ARHGAP10: variants seen among roughly 807,000 people sequenced by gnomAD.
The protein encoded by ARHGAP10 is rho GTPase-activating protein 10.
ARHGAP10 carries 87 observed loss-of-function variants against 108.6 expected under a neutral mutation model. The observed-to-expected ratio is 0.80, with a 90% CI of 0.67 to 0.96. The LOEUF (loss-of-function observed/expected upper bound fraction) is 0.96, where lower values mean the gene tolerates loss of function less well. Ranked by LOEUF, ARHGAP10 falls within the 40% of genes least tolerant of loss-of-function variation. The pLI is 0.00. For synonymous variants in ARHGAP10, 347 were observed against 341.1 expected, an observed-to-expected ratio of 1.02 and a Z score of -0.19; for missense variants, 939 against 954.5, an observed-to-expected ratio of 0.98 and a Z score of 0.21.
chr4:147,982,750 T>C (rs1304439223), intron 18 of ARHGAP10, among the ~76,000 whole-genome samples: 1 of 151,936 alleles, frequency 6.6e-6, no homozygotes, highest in African/African-American at 2.4e-5. Context: ...TTGGGGAAAT[T>C]TTCCTGAATT....
intron 20 of ARHGAP10, among the ~76,000 whole-genome samples, chr4:148,053,446 G>A (rs191632207): frequency 8.5e-5 from 13 of 152,256 alleles, no homozygotes; most frequent in African/African-American, 1.2e-4. Flanking sequence ...TGGTTGCTGC[G>A]CATTTATCAT....
At chr4:147,919,602 C>T (rs902788309) in intron 13 of ARHGAP10, among the ~76,000 whole-genome samples, 2 of 151,674 alleles carry the variant, frequency 1.3e-5, no homozygotes, top group African/African-American at 2.4e-5. Context: ...AGATGCAGTC[C>T]CTCTCTGTTG....
At chr4:147,873,412 T>C (rs1226206148) in intron 7 of ARHGAP10, among the ~76,000 whole-genome samples, 1 of 151,808 alleles carries the variant, frequency 6.6e-6, no homozygotes, top group Non-Finnish European at 1.5e-5. Flanking sequence ...CATGCACATA[T>C]ATGCATATGT....
intron 1 of ARHGAP10, among the ~76,000 whole-genome samples, chr4:147,787,185 A>T (rs967899062): frequency 1.3e-5 from 2 of 152,080 alleles, no homozygotes; most frequent in Non-Finnish European, 2.9e-5. Flanking sequence ...AGAAGCAAGG[A>T]GGGTATTTTC....
intron 18 of ARHGAP10, among the ~76,000 whole-genome samples, chr4:147,976,474 C>T (rs1281191591): frequency 6.6e-6 from 1 of 151,824 alleles, no homozygotes; most frequent in Non-Finnish European, 1.5e-5. Flanking sequence ...GACTCCCCCC[C>T]ATCCCCAGTT....
rs574330007 is a variant in ARHGAP10 at position 147,769,113 on chromosome 4, T to C, written c.154+36658T>C. On this transcript the variant is annotated intron_variant, in intron 1 of 22. Coordinates refer to ENST00000336498, the MANE Select transcript of ARHGAP10 (RefSeq NM_024605.4). ...TTATGCAGCATGATTTCATTATTGC[T>C]CTCAGGAACTGGATAATGCTTTAAG... 2.0e-5 allele frequency among the ~76,000 whole-genome samples: 3 copies of C among 152,268 alleles called. No homozygotes were observed. The South Asian group carries it at 6.2e-4, about 32-fold the overall frequency.
At chr4:147,886,587 C>T (rs56742479) in intron 10 of ARHGAP10, among the ~76,000 whole-genome samples, 8,055 of 152,240 alleles carry the variant, frequency 0.053, 706 homozygotes, top group African/African-American at 0.18. Flanking sequence ...ATACCCTTCA[C>T]TCCACTGCTT....
intron 1 of ARHGAP10, among the ~76,000 whole-genome samples, chr4:147,807,780 A>G (rs1030565700): frequency 1.3e-5 from 2 of 152,222 alleles, no homozygotes; most frequent in African/African-American, 4.8e-5. Context: ...AGTTGAACAA[A>G]TAGAGTAATG....
chr4:147,755,606 T>G (rs1729335937), intron 1 of ARHGAP10, among the ~76,000 whole-genome samples: 1 of 152,216 alleles, frequency 6.6e-6, no homozygotes, highest in Non-Finnish European at 1.5e-5. Context: ...CTAACATCAT[T>G]GGCCTTTTCT....
chr4:147,918,325 CAG>C (rs752753117), intron 13 of ARHGAP10, among the ~76,000 whole-genome samples: 1 of 151,900 alleles, frequency 6.6e-6, no homozygotes, highest in East Asian at 1.9e-4. Flanking sequence ...TTAGTAGAGA[CAG>C]GGTTTCACCG....
intron 12 of ARHGAP10, among the ~76,000 whole-genome samples, chr4:147,911,198 A>ACCACTGC (rs11280645): frequency 0.7 from 106,555 of 151,874 alleles, 43,497 homozygotes; most frequent in Non-Finnish European, 0.92. Flanking sequence ...TGAGCAGAAA[A>ACCACTGC]CCACTGCCCA....
At chr4:147,839,092 G>GCATC (rs1733293625) in intron 3 of ARHGAP10, among the ~76,000 whole-genome samples, 1 of 143,788 alleles carries the variant, frequency 7.0e-6, no homozygotes, top group Non-Finnish European at 1.5e-5. Flanking sequence ...TAGATCTATC[G>GCATC]TATCTATCTA....
chr4:147,906,438 G>A (rs1736497323), intron 10 of ARHGAP10, among the ~76,000 whole-genome samples, 200 bp from the exon 11 acceptor site: 1 of 152,132 alleles, frequency 6.6e-6, no homozygotes, highest in African/African-American at 2.4e-5. Context: ...ATGGATGGTG[G>A]TGATGGTTAT....
chr4:147,911,507 T>A lies in ARHGAP10; in HGVS notation c.1163-1567T>A, dbSNP rs202124046. ...CCTCCCGAGTAACTGGGACTACAGG[T>A]GCCCACCATCACGCCCGGCTAATTT... is the stretch of plus-strand genomic sequence containing the variant. On this transcript the variant is annotated intron_variant, in intron 12 of 22. Transcript: ENST00000336498. Among the ~76,000 whole-genome samples the A allele has an allele frequency of 2.0e-5, 3 of 152,254 alleles. No individual in the cohort carries two copies. The East Asian group carries it at 5.8e-4, about 29-fold the overall frequency.
chr4:147,779,404 C>CA (rs1296781343), intron 1 of ARHGAP10, among the ~76,000 whole-genome samples: 1 of 152,130 alleles, frequency 6.6e-6, no homozygotes, highest in Non-Finnish European at 1.5e-5. Flanking sequence ...AAGCCATTGA[C>CA]AAATTTTGAT....
chr4:147,758,251 G>A (rs1490347353), intron 1 of ARHGAP10, among the ~76,000 whole-genome samples: 16 of 141,764 alleles, frequency 1.1e-4, no homozygotes, highest in Admixed American at 5.0e-4. Flanking sequence ...CAACAAGAGC[G>A]AAACTTCATC....
intron 20 of ARHGAP10, among the ~76,000 whole-genome samples, chr4:148,049,023 C>T (rs374700767): frequency 6.7e-6 from 1 of 150,310 alleles, no homozygotes. Context: ...TTTTTCTGTG[C>T]CATGGATGGA....
At position 147,735,284 on chromosome 4, in the gene ARHGAP10, T is replaced by C. The variant is rs144542753; in HGVS notation, c.154+2829T>C. ...AACTCCTTCCTGCACTGTGCTAAAT[T>C]CTTGAAGAAACAAAGGATATAGACA... On this transcript the variant is annotated intron_variant, in intron 1 of 22. Transcript: ENST00000336498. Among the ~76,000 whole-genome samples the C allele has an allele frequency of 2.8e-3, 419 of 152,308 alleles. 5 individuals carry two copies. Among genetic ancestry groups the C allele is most frequent in the Non-Finnish European group, 6.5e-4 (44 of 68,020 alleles).
rs138301478 is a variant in ARHGAP10 at position 147,943,576 on chromosome 4, G to C, written c.1304-3041G>C. Among the ~76,000 whole-genome samples, 31 of 152,286 alleles carry C rather than the reference G, an allele frequency of 2.0e-4. 2 individuals are homozygous for C. The highest frequency in any genetic ancestry group is 2.0e-3 in the Admixed American group (31 of 15,300). On this transcript the variant is annotated intron_variant, in intron 14 of 22. Coordinates refer to ENST00000336498, the MANE Select transcript of ARHGAP10 (RefSeq NM_024605.4). ...TTCAGTTTCAAAAAAATGACCAGTG[G>C]TTACGTAAGCGTGAAACATTCACCC... is the stretch of plus-strand genomic sequence containing the variant.
Sources: allele counts gnomAD v4.1 joint callset (sites outside exome capture counted in the v4.1 genomes callset), GRCh38; gene constraint gnomAD v4.1.1; transcripts MANE v1.5; gene names NCBI Gene and HGNC (gene_info 2026-07-23, HGNC 2026-07-21).